Variants in SLC16A3 observed in about 807,000 individuals in gnomAD.
SLC16A3 encodes the protein monocarboxylate transporter 4.
SLC16A3 carries 22 observed loss-of-function variants against 25.0 expected under a neutral mutation model. The observed-to-expected ratio is 0.88, with a 90% CI of 0.63 to 1.26. SLC16A3 has a LOEUF of 1.26. Ranked by LOEUF, SLC16A3 falls within the 50% of genes most tolerant of loss-of-function variation. SLC16A3 has a pLI of 0.00. For missense variants in SLC16A3, 731 were observed against 666.6 expected (o/e 1.10, Z -1.06); for synonymous variants, 390 against 309.2 (o/e 1.26, Z -2.74).
intron 2 of SLC16A3, 151 bp downstream of exon 2, chr17:82,236,382 C>A: frequency 1.3e-6 from 1 of 755,490 alleles, no homozygotes; most frequent in Non-Finnish European, 2.1e-6. Context: ...TGCTGGGCAG[C>A]AACATGCTCT....
upstream of SLC16A3, chr17:82,228,504 G>C (rs944331706): frequency 1.3e-5 from 2 of 152,426 alleles, no homozygotes; most frequent in African/African-American, 4.8e-5. Context: ...GCCGCCGTCC[G>C]CACCGGGACC....
chr17:82,237,215 A>T lies in SLC16A3; in HGVS notation c.445A>T (p.Asn149Tyr). 6.5e-7 allele frequency: 1 copy of T among 1,544,762 alleles called. No individual in the cohort carries two copies. The highest frequency in any genetic ancestry group is 8.7e-7 in the Non-Finnish European group (1 of 1,144,852). ...CTTCAGCAAGCGGCGCCCCATGGCC[A>T]ACGGGCTGGCGGCAGCAGGTAGCCC... ...RYFSKRRPMA[N>Y]GLAAAGSPVF... The change falls in exon 4 of 5, where the codon AAC (asparagine) becomes TAC (tyrosine). Residue 149 changes from asparagine (N) to tyrosine (Y), a missense_variant. By Grantham distance (143) the Asn-to-Tyr change is moderately radical. Transcript: ENST00000582743.
In SLC16A3 at chr17:82,240,058, C is replaced by T. The variant is rs868582083; in HGVS notation, c.*1082C>T. The T allele has an allele frequency of 3.2e-6, 4 of 1,233,822 alleles. No homozygotes were observed. The South Asian group carries it at 1.2e-4, about 38-fold the overall frequency. 76.4% of individuals were successfully genotyped at this position (1,233,822 alleles called of 1,614,324 possible). A position where few individuals can be genotyped will look rare whatever the true frequency, so the allele number is the denominator to read the frequency against. On this transcript the variant is annotated 3_prime_UTR_variant, in exon 5 of 5. Transcript: ENST00000582743. ...CAGCCGGAGAGATGCCATGTCCCTG[C>T]TCCTCTGCAATGAAAAGCAAGCGAA...
In SLC16A3 at chr17:82,239,688, G is replaced by C; in HGVS notation, c.*712G>C. Reference sequence around the variant, plus strand: ...GCTGTGCCAGGGTGGCCTCTGAAATGTGCCAGGGAGCCCCTACGTGGTGGT... The same window carrying C: ...GCTGTGCCAGGGTGGCCTCTGAAATCTGCCAGGGAGCCCCTACGTGGTGGT... On this transcript the variant is annotated 3_prime_UTR_variant, in exon 5 of 5. Coordinates refer to ENST00000582743, the MANE Select transcript of SLC16A3 (RefSeq NM_004207.4). 1 of 342,738 alleles carries C rather than the reference G, an allele frequency of 2.9e-6. No homozygotes were observed. Among genetic ancestry groups the C allele is most frequent in the Non-Finnish European group, 5.2e-6 (1 of 190,502 alleles). 21.2% of individuals were successfully genotyped at this position (342,738 alleles called of 1,614,324 possible).
In SLC16A3 at chr17:82,238,969, G is replaced by A; in HGVS notation, c.1391G>A (p.Ser464Asn). The A allele has an allele frequency of 6.6e-7, 1 of 1,525,430 alleles. No individual in the cohort carries two copies. Among genetic ancestry groups the A allele is most frequent in the Non-Finnish European group, 8.8e-7 (1 of 1,132,328 alleles). The allele number at this position is 1,525,430 out of a possible 1,614,324, so 94.5% of individuals were successfully genotyped here. ...GAGGTGGTTCACACCCCGGAAACAA[G>A]TGTCTGAGTGGCTGGGCGGGGCCGG... ...NGEVVHTPETSV is the reference protein window; with the variant it reads ...NGEVVHTPETNV The change falls in exon 5 of 5, where the codon AGT (serine) becomes AAT (asparagine). Residue 464 changes from serine to asparagine, a missense_variant. Coordinates refer to ENST00000582743, the MANE Select transcript of SLC16A3 (RefSeq NM_004207.4).
chr17:82,222,596 G>A (rs1037655384), intron 1 of SLC16A3, among the ~76,000 whole-genome samples: 3 of 152,162 alleles, frequency 2.0e-5, no homozygotes, highest in Non-Finnish European at 2.9e-5. Flanking sequence ...CTGAGGTCAG[G>A]AGTTCGAGAC....
At chr17:82,226,247 G>A (rs1320313535), upstream of SLC16A3, among the ~76,000 whole-genome samples, 1 of 152,106 alleles carries the variant, frequency 6.6e-6, no homozygotes, top group African/African-American at 2.4e-5. Context: ...TCAGAGGGGG[G>A]CGTCCTGTGA....
Position 82,236,847 on chromosome 17 carries a change from C to G in SLC16A3, c.342C>G (p.Val114=), listed in dbSNP as rs760307194. Residue 114 remains valine (V), a synonymous_variant, in exon 3 of 5, where the codon GTC becomes GTG. Coordinates refer to ENST00000582743, the MANE Select transcript of SLC16A3 (RefSeq NM_004207.4). ...CCTTTTGCCGGAGCATCATCCAGGT[C>G]TACCTCACCACTGGGGTCATCACGG... ...AASFCRSIIQ[V]YLTTGVITGL... is the part of the protein sequence containing the mutation. 1 of 1,606,956 alleles carries G rather than the reference C, an allele frequency of 6.2e-7. No homozygotes were observed. The highest frequency in any genetic ancestry group is 8.5e-7 in the Non-Finnish European group (1 of 1,179,822).
At chr17:82,235,069 A>G (rs1039486999) in intron 1 of SLC16A3, 24 of 152,310 alleles carry the variant, frequency 1.6e-4, no homozygotes, top group African/African-American at 5.1e-4. Context: ...CTCGGGTTCC[A>G]ACTTGACTCA....
chr17:82,229,477 C>G (rs1370110299), intron 1 of SLC16A3: 1 of 152,340 alleles, frequency 6.6e-6, no homozygotes, highest in Non-Finnish European at 1.5e-5. Context: ...GGGGCGCGGG[C>G]TATATTTGGT....
In SLC16A3 at chr17:82,219,674, C is replaced by T. The variant is rs75978257; in HGVS notation, c.-27+1490C>T. ...ACTGCTTGGCCCCGCCTCTCAGTCT[C>T]GGACTTGGGGAGGAGCAGCCAGGCC... is the stretch of plus-strand genomic sequence containing the variant. On this transcript the variant is annotated intron_variant, in intron 1 of 4. Coordinates refer to the SLC16A3 transcript ENST00000580098. Among the ~76,000 whole-genome samples the T allele has an allele frequency of 1.0e-3, 152 of 152,192 alleles. 2 individuals are homozygous for T. The East Asian group carries it at 0.016, about 16-fold the overall frequency.
At chr17:82,236,318 C>A in intron 2 of SLC16A3, 87 bp downstream of exon 2, 1 of 1,228,826 alleles carries the variant, frequency 8.1e-7, no homozygotes, top group Non-Finnish European at 1.2e-6. Flanking sequence ...AGCAACAGGG[C>A]CTTCCGCCTG....
At chr17:82,238,170 A>G (rs938920932) in intron 4 of SLC16A3, among the ~76,000 whole-genome samples, 2 of 152,146 alleles carry the variant, frequency 1.3e-5, no homozygotes, top group African/African-American at 4.8e-5. Context: ...CCTGGGCACC[A>G]CGCGGCAGCT....
intron 4 of SLC16A3, 96 bp from the exon 5 acceptor site, chr17:82,238,606 T>A: frequency 7.7e-7 from 1 of 1,296,426 alleles, no homozygotes; most frequent in Non-Finnish European, 1.0e-6. Flanking sequence ...AGGGTGACCC[T>A]TGCGTGCTGA....
chr17:82,227,566 A>G (rs978289381), upstream of SLC16A3, among the ~76,000 whole-genome samples: 1 of 126,040 alleles, frequency 7.9e-6, no homozygotes, highest in South Asian at 2.3e-4. Context: ...TGGTGCAGGA[A>G]GATGGGAGCA....
chr17:82,237,426 A>G lies in SLC16A3; in HGVS notation c.656A>G (p.Asp219Gly). 1.3e-6 allele frequency: 2 copies of G among 1,583,034 alleles called. No individual in the cohort carries two copies. Among genetic ancestry groups the G allele is most frequent in the Non-Finnish European group, 1.7e-6 (2 of 1,166,040 alleles). ...CCGCGACCCTCCCGGCGCCTGCTAG[A>G]CCTGAGCGTCTTCCGGGACCGCGGC... is the stretch of plus-strand genomic sequence containing the variant. The part of the protein sequence containing the change: ...GPPRPSRRLL[D>G]LSVFRDRGFV... The change falls in exon 4 of 5, where the codon GAC becomes GGC. Residue 219 changes from aspartate (D) to glycine (G), a missense_variant. Transcript: ENST00000582743.
chr17:82,235,954 A>C lies in SLC16A3; in HGVS notation c.-26-29A>C. 2.4e-5 allele frequency: 35 copies of C among 1,474,290 alleles called. 1 individual carries two copies. The South Asian group carries it at 4.1e-4, about 17-fold the overall frequency. 91.3% of individuals were successfully genotyped at this position (1,474,290 alleles called of 1,614,324 possible). ...CTGCAGCTGGGATGGTCACCCGGGC[A>C]GCCTGAGTCAGCCTGCTTTCTCTCT... On this transcript the variant is annotated intron_variant, in intron 1 of 4. Coordinates refer to ENST00000582743, the MANE Select transcript of SLC16A3 (RefSeq NM_004207.4).
At chr17:82,227,436 G>C (rs1199090247), upstream of SLC16A3, among the ~76,000 whole-genome samples, 2 of 152,140 alleles carry the variant, frequency 1.3e-5, no homozygotes, top group Non-Finnish European at 2.9e-5. Context: ...TCTGGGATGG[G>C]GAGCACGGTA....
chr17:82,222,219 G>C (rs8071532), intron 1 of SLC16A3, among the ~76,000 whole-genome samples: 30 of 90,756 alleles, frequency 3.3e-4, no homozygotes, highest in African/African-American at 1.7e-3. Context: ...GTCGCCCTGG[G>C]ACCCCCAACT....
Sources: gnomAD v4.1 joint callset for allele counts (sites outside exome capture counted in the v4.1 genomes callset) on GRCh38, gnomAD v4.1.1 for gene constraint, MANE v1.5 for transcripts, NCBI Gene and HGNC (gene_info 2026-07-23, HGNC 2026-07-21) for gene names.